Variants in RPN2 observed in about 807,000 individuals in gnomAD.
RPN2 encodes ribophorin II.
A neutral mutation model predicts 71.4 loss-of-function variants in RPN2; 29 were observed. The observed-to-expected ratio is 0.41, with a 90% CI of 0.30 to 0.55. The LOEUF (loss-of-function observed/expected upper bound fraction) is 0.55, where lower values mean the gene tolerates loss of function less well. Among genes scored for constraint, RPN2 ranks in the 20% least tolerant of loss-of-function variants. The pLI, the probability that RPN2 is intolerant of heterozygous loss-of-function variation, is 0.35. For missense variants in RPN2, 726 were observed against 774.1 expected (o/e 0.94, Z 0.74); for synonymous variants, 308 against 305.0 (o/e 1.01, Z -0.10).
At chr20:37,196,480 G>T (rs535825323) in intron 2 of RPN2, among the ~76,000 whole-genome samples, 1 of 152,112 alleles carries the variant, frequency 6.6e-6, no homozygotes, top group African/African-American at 2.4e-5. Flanking sequence ...TGATCTGCTC[G>T]CCTTGACCTC....
chr20:37,220,807 C>T (rs1455364425), intron 9 of RPN2, among the ~76,000 whole-genome samples: 1 of 152,116 alleles, frequency 6.6e-6, no homozygotes, highest in Non-Finnish European at 1.5e-5. Flanking sequence ...AAATGCTTTG[C>T]TTTTGAGTGT....
chr20:37,204,968 C>T lies in RPN2; in HGVS notation c.690+67C>T, dbSNP rs1437621443. Reference sequence around the variant, plus strand: ...CATCAGCTGTATCTGCTAAGGATGGCTTTTATCAGAGAGGAATGTTCAGAC... The same window carrying T: ...CATCAGCTGTATCTGCTAAGGATGGTTTTTATCAGAGAGGAATGTTCAGAC... On this transcript the variant is annotated intron_variant, in intron 6 of 16. Transcript: ENST00000237530. The T allele has an allele frequency of 5.0e-6, 8 of 1,607,938 alleles. No homozygotes were observed. The African/African-American group carries it at 5.3e-5, about 11-fold the overall frequency.
chr20:37,201,959 C>G (rs748430663), intron 4 of RPN2, among the ~76,000 whole-genome samples: 4 of 152,192 alleles, frequency 2.6e-5, no homozygotes, highest in Non-Finnish European at 5.9e-5. Flanking sequence ...TATATATTAG[C>G]AAGATAAGAT....
rs376104849 is a variant in RPN2, at chr20:37,232,352, T to G, written c.1638T>G (p.Thr546=). 4.3e-6 allele frequency: 7 copies of G among 1,614,110 alleles called. No homozygotes were observed. The highest frequency in any genetic ancestry group is 5.9e-6 in the Non-Finnish European group (7 of 1,180,032). ...CCACCGTGGTGTCCAATACATTCAC[T>G]GCCCTGATCCTCTCGCCGTTGCTTC... ...RPPTVVSNTF[T]ALILSPLLLL... Residue 546 remains threonine (T), a synonymous_variant, in exon 14 of 17, where the codon ACT becomes ACG. Transcript: ENST00000237530.
chr20:37,184,266 G>A lies in RPN2; in HGVS notation c.100G>A (p.Val34Met), dbSNP rs35557453. ...TPTHYLTKHD[V>M]ERLKASLDRP... ...CACTCACTACCTCACCAAGCATGACGTGGAGAGACTAAAAGCCTCGCTGGA... is the reference window on the plus strand; with the variant it reads ...CACTCACTACCTCACCAAGCATGACATGGAGAGACTAAAAGCCTCGCTGGA... Residue 34 changes from valine (V) to methionine (M), a missense_variant, in exon 2 of 17, where the codon GTG becomes ATG. Coordinates refer to ENST00000237530, the MANE Select transcript of RPN2 (RefSeq NM_002951.5). The A allele has an allele frequency of 1.2e-4, 190 of 1,614,142 alleles. 1 individual carries two copies. In the African/African-American group the frequency reaches 2.3e-3, roughly 19 times the overall value.
intron 2 of RPN2, among the ~76,000 whole-genome samples, chr20:37,194,421 C>A (rs1351380121): frequency 6.6e-6 from 1 of 152,156 alleles, no homozygotes; most frequent in Non-Finnish European, 1.5e-5. Context: ...ACCCCCACGC[C>A]TGGCTAATTT....
chr20:37,185,111 T>G (rs2284356), intron 2 of RPN2, among the ~76,000 whole-genome samples: 2 of 151,568 alleles, frequency 1.3e-5, no homozygotes, highest in South Asian at 4.1e-4. Flanking sequence ...GAAAATGCAT[T>G]ATGATTAAAA....
intron 9 of RPN2, among the ~76,000 whole-genome samples, chr20:37,222,693 C>T (rs1054864811): frequency 2.0e-5 from 3 of 152,332 alleles, no homozygotes; most frequent in South Asian, 4.1e-4. Flanking sequence ...TTAAGTGTTA[C>T]ATTCAAACCT....
At chr20:37,228,844 C>T (rs1385981456) in intron 12 of RPN2, 100 bp downstream of exon 12, 2 of 1,080,740 alleles carry the variant, frequency 1.9e-6, no homozygotes, top group Non-Finnish European at 1.4e-6. Context: ...TTCGCCTTGC[C>T]TGTGCCTCCT....
chr20:37,211,018 T>C (rs1441582531), intron 8 of RPN2, among the ~76,000 whole-genome samples: 2 of 151,764 alleles, frequency 1.3e-5, no homozygotes, highest in Non-Finnish European at 2.9e-5. Flanking sequence ...CAGGACCCCA[T>C]CTGTAATTTT....
chr20:37,231,714 T>A (rs866751563), intron 13 of RPN2, among the ~76,000 whole-genome samples: 3 of 145,742 alleles, frequency 2.1e-5, no homozygotes, highest in Admixed American at 6.8e-5. Flanking sequence ...CCTGTCTCTT[T>A]AAAAAAAAGA....
chr20:37,189,323 ATG>A (rs11474653), intron 2 of RPN2, among the ~76,000 whole-genome samples: 4,855 of 64,384 alleles, frequency 0.075, 152 homozygotes, highest in African/African-American at 0.13. Context: ...GTGTGTGTGT[ATG>A]TGTGTGTGTG....
At chr20:37,218,725 G>A (rs2146643761) in intron 9 of RPN2, among the ~76,000 whole-genome samples, 1 of 151,800 alleles carries the variant, frequency 6.6e-6, no homozygotes, top group South Asian at 2.1e-4. Context: ...CTGTCTCTGT[G>A]GTTGCCTATT....
chr20:37,219,292 T>C (rs997017922), intron 9 of RPN2, among the ~76,000 whole-genome samples: 2 of 152,252 alleles, frequency 1.3e-5, no homozygotes, highest in Non-Finnish European at 2.9e-5. Context: ...TATCTCTTTA[T>C]GTGCTTATTG....
At chr20:37,211,896 C>G (rs1344925349) in intron 8 of RPN2, among the ~76,000 whole-genome samples, 1 of 151,924 alleles carries the variant, frequency 6.6e-6, no homozygotes, top group African/African-American at 2.4e-5. Context: ...TGCCACCATG[C>G]CCGGCTAATT....
chr20:37,207,438 G>T lies in RPN2; in HGVS notation c.856G>T (p.Ala286Ser). The change falls in exon 7 of 17, where the codon GCT (alanine) becomes TCT (serine). Residue 286 changes from alanine to serine, a missense_variant. Transcript: ENST00000237530. ...EGSASDTHEQ[A>S]ILRLQVTNVL... ...CTCTGCTTCCGACACTCATGAACAG[G>T]CTATCTTGCGGGTAAGACATCCATG... 1 of 1,614,118 alleles carries T rather than the reference G, an allele frequency of 6.2e-7. No homozygotes were observed. Among genetic ancestry groups the T allele is most frequent in the Non-Finnish European group, 8.5e-7 (1 of 1,179,990 alleles).
At chr20:37,236,491 G>T (rs544862111) in intron 15 of RPN2, 89 bp from the exon 16 acceptor site, 3 of 1,404,132 alleles carry the variant, frequency 2.1e-6, no homozygotes, top group East Asian at 2.3e-5. Context: ...ACCTTTTCAT[G>T]ATCCAACAGT....
At position 37,198,419 on chromosome 20, in the gene RPN2, C is replaced by A. The variant is rs1327893629; in HGVS notation, c.230C>A (p.Ser77Tyr). 1 of 1,614,206 alleles carries A rather than the reference C, an allele frequency of 6.2e-7. No homozygotes were observed. The highest frequency in any genetic ancestry group is 8.5e-7 in the Non-Finnish European group (1 of 1,180,030). The change falls in exon 3 of 17, where the codon TCT becomes TAT. Residue 77 changes from serine (S) to tyrosine (Y), a missense_variant. By Grantham distance (144) the Ser-to-Tyr change is moderately radical. Transcript: ENST00000237530. Reference sequence around the variant, plus strand: ...TAGAAAGCATGTACCTACATCAGATCTAACCTTGATCCCAGCAATGTGGAT... The same window carrying A: ...TAGAAAGCATGTACCTACATCAGATATAACCTTGATCCCAGCAATGTGGAT... ...DAKKACTYIRSNLDPSNVDSL... is the reference protein window; with the variant it reads ...DAKKACTYIRYNLDPSNVDSL...
chr20:37,179,551 C>T, intron 1 of RPN2, 182 bp downstream of exon 1: 1 of 1,380,394 alleles, frequency 7.2e-7, no homozygotes. Flanking sequence ...GTGGGAGTGC[C>T]CGCGACCTGG....
Sources: gnomAD v4.1 joint callset for allele counts (sites outside exome capture counted in the v4.1 genomes callset) on GRCh38, gnomAD v4.1.1 for gene constraint, MANE v1.5 for transcripts, NCBI Gene and HGNC (gene_info 2026-07-23, HGNC 2026-07-21) for gene names.